The following ADCY5 variants were observed in gnomAD, a reference collection of about 807,000 sequenced individuals.
ADCY5 encodes adenylate cyclase 5.
A neutral mutation model predicts 119.7 loss-of-function variants in ADCY5; 30 were observed. That is an observed-to-expected ratio of 0.25 (90% CI 0.19 to 0.34). ADCY5 has a LOEUF of 0.34. Among genes scored for constraint, ADCY5 ranks in the 10% least tolerant of loss-of-function variants. The probability of loss-of-function intolerance (pLI) is 1.00; values close to 1 mark genes in which losing one functional copy is unlikely to be tolerated. For missense variants in ADCY5, 1,324 were observed against 1,775.2 expected (o/e 0.75, Z 4.57); for synonymous variants, 753 against 762.2 (o/e 0.99, Z 0.20).
At chr3:123,339,269 C>A (rs1026875790) in intron 3 of ADCY5, among the ~76,000 whole-genome samples, 1 of 152,160 alleles carries the variant, frequency 6.6e-6, no homozygotes, top group African/African-American at 2.4e-5. Flanking sequence ...CTGAAGAATC[C>A]TTTGGGCTCA....
At chr3:123,297,277 C>T in intron 16 of ADCY5, 76 bp downstream of exon 16, 1 of 1,568,146 alleles carries the variant, frequency 6.4e-7, no homozygotes, top group Non-Finnish European at 8.8e-7. Context: ...CCCCTCCCAC[C>T]TGGGCACCAG....
intron 3 of ADCY5, among the ~76,000 whole-genome samples, chr3:123,347,441 T>A (rs1423530852): frequency 6.6e-6 from 1 of 152,048 alleles, no homozygotes; most frequent in Admixed American, 6.5e-5. Context: ...GGTGGTGACA[T>A]TCGGGTCCCA....
intron 1 of ADCY5, among the ~76,000 whole-genome samples, chr3:123,388,574 G>T (rs1944304988): frequency 1.8e-5 from 2 of 112,766 alleles, no homozygotes; most frequent in South Asian, 5.2e-4. Flanking sequence ...TATGGGGAGG[G>T]TTAACAAAAT....
chr3:123,291,774 G>A (rs1361660052), intron 17 of ADCY5, among the ~76,000 whole-genome samples: 3 of 152,154 alleles, frequency 2.0e-5, no homozygotes, highest in African/African-American at 4.8e-5. Flanking sequence ...CCAGCTCCCC[G>A]GTGCTCCTCC....
In ADCY5 at chr3:123,346,639, CTCTG is replaced by C. The variant is rs1395229164; in HGVS notation, c.1406+1139_1406+1142del. Among the ~76,000 whole-genome samples the C allele has an allele frequency of 1.7e-4, 23 of 135,084 alleles. 1 individual carries two copies. Among genetic ancestry groups the C allele is most frequent in the East Asian group, 8.0e-4 (4 of 5,028 alleles). The allele number at this position is 135,084 out of a possible 152,430, so 88.6% of individuals were successfully genotyped here. On this transcript the variant is annotated intron_variant, in intron 3 of 20. Transcript: ENST00000462833. ...TCTCTCTCTCTCTCTCTCTCTCTCT[CTCTG>C]TGTGTATGTGTGTGTGTGTGTGAGA...
At chr3:123,321,412 G>A (rs567846389) in intron 8 of ADCY5, among the ~76,000 whole-genome samples, 1 of 152,282 alleles carries the variant, frequency 6.6e-6, no homozygotes, top group African/African-American at 2.4e-5. Context: ...AGTTGAGGGT[G>A]GGAAGGGCCC....
chr3:123,297,831 T>G (rs1045614194), intron 15 of ADCY5, among the ~76,000 whole-genome samples: 1 of 152,204 alleles, frequency 6.6e-6, no homozygotes, highest in Non-Finnish European at 1.5e-5. Flanking sequence ...TACACCAGGT[T>G]TTGAATAATT....
At chr3:123,319,872 G>A (rs1941126351) in intron 9 of ADCY5, 54 bp from the exon 10 acceptor site, 2 of 1,596,556 alleles carry the variant, frequency 1.3e-6, no homozygotes, top group Non-Finnish European at 1.7e-6. Flanking sequence ...GGCACCAGCA[G>A]AGGGCTGGCT....
chr3:123,436,256 C>T (rs940087162), intron 1 of ADCY5, among the ~76,000 whole-genome samples: 5 of 151,806 alleles, frequency 3.3e-5, no homozygotes, highest in Admixed American at 3.3e-4. Context: ...ACCTGTAGTC[C>T]CAGCTACTCA....
At chr3:123,334,865 G>A (rs1231074008) in intron 3 of ADCY5, among the ~76,000 whole-genome samples, 3 of 152,186 alleles carry the variant, frequency 2.0e-5, no homozygotes, top group Non-Finnish European at 4.4e-5. Flanking sequence ...GGGCTAATCA[G>A]CAAATCCAAC....
chr3:123,448,412 G>A lies in ADCY5; in HGVS notation c.134C>T (p.Ala45Val). ...GGAGCCGCGGGCAGAGCCCCCGGGGGCATGGGGGTAGCCATTCGCGCGGGA... is the reference window on the plus strand; with the variant it reads ...GGAGCCGCGGGCAGAGCCCCCGGGGACATGGGGGTAGCCATTCGCGCGGGA... ...ADSRANGYPH[A>V]PGGSARGSTK... The change falls in exon 1 of 21, where the codon GCC becomes GTC. Residue 45 changes from alanine to valine, a missense_variant. This residue lies in a region of ADCY5 where 585 missense variants were observed against 569.9 expected (regional missense o/e 1.03). Transcript: ENST00000462833. 1 of 1,405,534 alleles carries A rather than the reference G, an allele frequency of 7.1e-7. No individual in the cohort carries two copies. The highest frequency in any genetic ancestry group is 9.2e-7 in the Non-Finnish European group (1 of 1,083,786). 87.1% of individuals were successfully genotyped at this position (1,405,534 alleles called of 1,614,324 possible). A position where few individuals can be genotyped will look rare whatever the true frequency, so the allele number is the denominator to read the frequency against.
At chr3:123,333,955 A>T (rs1227924307) in intron 3 of ADCY5, among the ~76,000 whole-genome samples, 1 of 152,018 alleles carries the variant, frequency 6.6e-6, no homozygotes, top group South Asian at 2.1e-4. Flanking sequence ...GAAGCCCCCA[A>T]TTCCTCCTTC....
intron 12 of ADCY5, among the ~76,000 whole-genome samples, chr3:123,312,734 T>C (rs1254699180): frequency 1.3e-5 from 2 of 152,254 alleles, no homozygotes; most frequent in Non-Finnish European, 2.9e-5. Flanking sequence ...CAGCACTGCA[T>C]TCCTCTTTAT....
intron 1 of ADCY5, among the ~76,000 whole-genome samples, chr3:123,393,545 A>C (rs1289049411): frequency 7.0e-6 from 1 of 142,852 alleles, no homozygotes; most frequent in Non-Finnish European, 1.5e-5. Flanking sequence ...CAACAGAGTG[A>C]GACCCTGTTT....
chr3:123,447,533 G>A lies in ADCY5; in HGVS notation c.1013C>T (p.Thr338Ile). Reference sequence around the variant, plus strand: ...GCGCACGGGCAGCAGCGTGTAGATGGTGTAGATGAAGAACACGGTCCACCA... The same window carrying A: ...GCGCACGGGCAGCAGCGTGTAGATGATGTAGATGAAGAACACGGTCCACCA... ...GIWWTVFFIYTIYTLLPVRMR... is the reference protein window; with the variant it reads ...GIWWTVFFIYIIYTLLPVRMR... The change falls in exon 1 of 21, where the codon ACC becomes ATC. Residue 338 changes from threonine to isoleucine, a missense_variant. Transcript: ENST00000462833. 5 of 1,610,684 alleles carry A rather than the reference G, an allele frequency of 3.1e-6. No individual in the cohort carries two copies. Among genetic ancestry groups the A allele is most frequent in the South Asian group, 1.1e-5 (1 of 90,920 alleles).
chr3:123,411,839 T>C (rs1945056733), intron 1 of ADCY5, among the ~76,000 whole-genome samples: 1 of 152,164 alleles, frequency 6.6e-6, no homozygotes, highest in Admixed American at 6.5e-5. Context: ...CTGTCCACCG[T>C]TGACAGCACA....
chr3:123,345,769 G>GACAGACAGACAGACACACAC (rs57198270), intron 3 of ADCY5, among the ~76,000 whole-genome samples: 14 of 113,762 alleles, frequency 1.2e-4, no homozygotes, highest in African/African-American at 5.1e-4. Context: ...CAGACAGACA[G>GACAGACAGACAGACACACAC]ACACACACAC....
At chr3:123,375,604 T>C (rs2877716) in intron 1 of ADCY5, among the ~76,000 whole-genome samples, 116,467 of 152,232 alleles carry the variant, frequency 0.77, 44,783 homozygotes, top group East Asian at 1. Context: ...AAGAATGTCT[T>C]CAGCTAAGAG....
intron 11 of ADCY5, among the ~76,000 whole-genome samples, chr3:123,315,529 T>C (rs1940866391): frequency 6.6e-6 from 1 of 151,978 alleles, no homozygotes; most frequent in Non-Finnish European, 1.5e-5. Flanking sequence ...GGCAGGACTA[T>C]GCACTCAAGC....
Sources: allele counts gnomAD v4.1 joint callset (sites outside exome capture counted in the v4.1 genomes callset), GRCh38; gene constraint gnomAD v4.1.1; regional missense constraint gnomAD v4.1.1; transcripts MANE v1.5; gene names NCBI Gene and HGNC (gene_info 2026-07-23, HGNC 2026-07-21).